The following TJP1 variants were observed in gnomAD, a reference collection of about 807,000 sequenced individuals.
The protein encoded by TJP1 is tight junction protein ZO-1.
TJP1 carries 43 observed loss-of-function variants against 194.2 expected under a neutral mutation model. The observed-to-expected ratio is 0.22, with a 90% CI of 0.17 to 0.29. TJP1 has a LOEUF of 0.29. Among genes scored for constraint, TJP1 ranks in the 10% least tolerant of loss-of-function variants. TJP1 has a pLI of 1.00. For synonymous variants in TJP1, 801 were observed against 779.0 expected (o/e 1.03, Z -0.47); for missense variants, 1,971 against 2,185.7 (o/e 0.90, Z 1.96).
chr15:29,746,122 T>C (rs910832281), intron 8 of TJP1, among the ~76,000 whole-genome samples: 3 of 152,218 alleles, frequency 2.0e-5, no homozygotes, highest in Non-Finnish European at 4.4e-5. Flanking sequence ...CTCACGCCTG[T>C]AATCCCAGCA....
chr15:29,911,124 G>A (rs1411546774), intron 2 of TJP1, among the ~76,000 whole-genome samples: 1 of 152,144 alleles, frequency 6.6e-6, no homozygotes, highest in African/African-American at 2.4e-5. Context: ...TACCTGCATT[G>A]GTATCTCTCA....
intron 2 of TJP1, among the ~76,000 whole-genome samples, chr15:29,927,647 G>A (rs2054567721): frequency 6.6e-6 from 1 of 152,144 alleles, no homozygotes; most frequent in African/African-American, 2.4e-5. Context: ...GGTAAAGAAT[G>A]GCCAAGCCAA....
chr15:29,965,141 T>C lies in TJP1; in HGVS notation c.173+3526A>G, dbSNP rs1416557644. Among the ~76,000 whole-genome samples, 3 of 152,310 alleles carry C rather than the reference T, an allele frequency of 2.0e-5. No homozygotes were observed. In the East Asian group the frequency reaches 5.8e-4, roughly 29 times the overall value. On this transcript the variant is annotated intron_variant, in intron 1 of 28. Coordinates refer to the TJP1 transcript ENST00000356107. ...ACACAGATATATAAATATCTTCATATAAATCTTCACATATGCCTTGACCAG... is the reference window on the plus strand; with the variant it reads ...ACACAGATATATAAATATCTTCATACAAATCTTCACATATGCCTTGACCAG...
chr15:29,760,583 G>A (rs933350714), intron 8 of TJP1, among the ~76,000 whole-genome samples: 1 of 152,090 alleles, frequency 6.6e-6, no homozygotes, highest in East Asian at 1.9e-4. Flanking sequence ...CACCATGTCG[G>A]CCAGGCTGGT....
intron 2 of TJP1, among the ~76,000 whole-genome samples, chr15:29,866,622 G>GA (rs937869850): frequency 2.0e-5 from 3 of 151,638 alleles, no homozygotes; most frequent in Non-Finnish European, 2.9e-5. Context: ...TATTTATGCA[G>GA]AAAAAAAACA....
chr15:29,772,461 C>T (rs1566995160), intron 3 of TJP1, among the ~76,000 whole-genome samples: 1 of 152,174 alleles, frequency 6.6e-6, no homozygotes, highest in Non-Finnish European at 1.5e-5. Flanking sequence ...AGTACAGTTA[C>T]AGGGCATTAA....
At position 29,740,147 on chromosome 15, in the gene TJP1, T is replaced by C. The variant is rs540525133; in HGVS notation, c.1256+1184A>G. ...GGACTATAGGCGCCCAGCTAATTTT[T>C]TGTATTTTTAGTAGAGATGGGTTTT... On this transcript the variant is annotated intron_variant, in intron 10 of 27. Coordinates refer to ENST00000614355, the MANE Select transcript of TJP1 (RefSeq NM_001330239.4). Among the ~76,000 whole-genome samples, 96 of 152,062 alleles carry C rather than the reference T, an allele frequency of 6.3e-4. 1 individual carries two copies. Among genetic ancestry groups the C allele is most frequent in the Middle Eastern group, 3.4e-3 (1 of 294 alleles).
intron 2 of TJP1, among the ~76,000 whole-genome samples, chr15:29,940,982 CTG>C (rs1344875962): frequency 3.9e-5 from 6 of 152,136 alleles, no homozygotes; most frequent in African/African-American, 1.4e-4. Flanking sequence ...AGAGCTGTAA[CTG>C]TCAGAAATAC....
At chr15:29,714,332 G>A (rs1316954880) in intron 23 of TJP1, among the ~76,000 whole-genome samples, 3 of 151,324 alleles carry the variant, frequency 2.0e-5, no homozygotes, top group Non-Finnish European at 4.4e-5. Context: ...TCCGCCTCCC[G>A]GGTTCATGCC....
intron 2 of TJP1, among the ~76,000 whole-genome samples, chr15:29,902,948 C>T (rs961889591): frequency 6.6e-6 from 1 of 151,930 alleles, no homozygotes; most frequent in African/African-American, 2.4e-5. Context: ...GCAGGAGAAT[C>T]GCTTGAACCT....
intron 2 of TJP1, among the ~76,000 whole-genome samples, chr15:29,797,413 GTGT>G (rs2048484982): frequency 6.6e-6 from 1 of 152,094 alleles, no homozygotes; most frequent in Non-Finnish European, 1.5e-5. Context: ...GCCTACCAAA[GTGT>G]TGGGTTTACA....
rs180887865 is a variant in TJP1 at position 29,785,704 on chromosome 15, C to G, written c.85-12347G>C. Among the ~76,000 whole-genome samples, 144 of 152,270 alleles carry G rather than the reference C, an allele frequency of 9.5e-4. 2 individuals are homozygous for G. The highest frequency in any genetic ancestry group is 9.4e-3 in the Admixed American group (144 of 15,292). Reference sequence around the variant, plus strand: ...CCTCACTAATTCTAGTCTTACTTTTCTCCTCTTATTCTTCCTATTAACCTT... The same window carrying G: ...CCTCACTAATTCTAGTCTTACTTTTGTCCTCTTATTCTTCCTATTAACCTT... On this transcript the variant is annotated intron_variant, in intron 2 of 27. Transcript: ENST00000614355.
chr15:29,930,460 A>G (rs2103056), intron 2 of TJP1, among the ~76,000 whole-genome samples: 38,878 of 152,192 alleles, frequency 0.26, 5,214 homozygotes, highest in East Asian at 0.35. Context: ...TCACATTGAC[A>G]GACTAAAGGA....
chr15:29,770,473 AGGC>A (rs1337089763), intron 4 of TJP1, among the ~76,000 whole-genome samples: 1 of 151,328 alleles, frequency 6.6e-6, no homozygotes, highest in Non-Finnish European at 1.5e-5. Flanking sequence ...TGGGAGGCCG[AGGC>A]GGGGCGGATC....
At chr15:29,820,680 A>G (rs939151249) in intron 1 of TJP1, 51 of 627,374 alleles carry the variant, frequency 8.1e-5, no homozygotes, top group Non-Finnish European at 1.3e-4. Context: ...TCCTCCTAGG[A>G]AAGAAAGCCC....
chr15:29,795,920 C>CA (rs1005718211), intron 2 of TJP1, among the ~76,000 whole-genome samples: 36 of 151,718 alleles, frequency 2.4e-4, no homozygotes, highest in African/African-American at 7.2e-4. Context: ...CATACACACA[C>CA]AAAAAAAAGC....
upstream of TJP1, chr15:29,822,579 G>A: frequency 1.4e-6 from 1 of 719,516 alleles, no homozygotes; most frequent in Non-Finnish European, 1.7e-6. Context: ...GGGGGAGGGG[G>A]CGGGACGAGC....
chr15:29,940,115 T>C (rs2055017977), intron 2 of TJP1, among the ~76,000 whole-genome samples: 1 of 152,144 alleles, frequency 6.6e-6, no homozygotes, highest in African/African-American at 2.4e-5. Flanking sequence ...TATGACAGCA[T>C]CCAAGTCAGG....
intron 1 of TJP1, among the ~76,000 whole-genome samples, chr15:29,961,336 T>TC: frequency 7.5e-6 from 1 of 132,528 alleles, no homozygotes; most frequent in Non-Finnish European, 1.6e-5. Flanking sequence ...TCCTAATTCT[T>TC]TTTTTTTTTT....
Sources: allele counts gnomAD v4.1 joint callset (sites outside exome capture counted in the v4.1 genomes callset), GRCh38; gene constraint gnomAD v4.1.1; transcripts MANE v1.5; gene names NCBI Gene and HGNC (gene_info 2026-07-23, HGNC 2026-07-21).